CPNE8: variants seen among roughly 807,000 people sequenced by gnomAD.
The protein encoded by CPNE8 is copine-8.
Under a neutral mutation model 81.5 loss-of-function variants are expected in CPNE8, and 45 were observed. That is an observed-to-expected ratio of 0.55 (90% CI 0.44 to 0.71). CPNE8 has a LOEUF of 0.71. CPNE8 is among the 30% of genes least tolerant of loss of function. The probability of loss-of-function intolerance (pLI) is 0.00; values close to 1 mark genes in which losing one functional copy is unlikely to be tolerated. For missense variants in CPNE8, 594 were observed against 672.1 expected, an observed-to-expected ratio of 0.88 and a Z score of 1.28; for synonymous variants, 252 against 226.3, an observed-to-expected ratio of 1.11 and a Z score of -1.02.
At chr12:38,784,003 C>A (rs1942113672) in intron 6 of CPNE8, among the ~76,000 whole-genome samples, 1 of 152,078 alleles carries the variant, frequency 6.6e-6, no homozygotes, top group African/African-American at 2.4e-5. Context: ...GAAAACATGA[C>A]CTTAACAAAT....
chr12:38,815,262 T>C (rs1294796872), intron 6 of CPNE8, among the ~76,000 whole-genome samples: 2 of 152,192 alleles, frequency 1.3e-5, no homozygotes, highest in Non-Finnish European at 2.9e-5. Flanking sequence ...CTCCAAATAT[T>C]ATGAATAACT....
intron 13 of CPNE8, among the ~76,000 whole-genome samples, chr12:38,703,389 A>G (rs962381112): frequency 6.6e-6 from 1 of 152,094 alleles, no homozygotes; most frequent in Non-Finnish European, 1.5e-5. Flanking sequence ...TCCCCCAAAC[A>G]CACGATTTTC....
At position 38,760,435 on chromosome 12, in the gene CPNE8, G is replaced by GTATATATATATATATATATATATA. The variant is rs139244982; in HGVS notation, c.722+411_722+412insTATATATATATATATATATATATA. Among the ~76,000 whole-genome samples, 765 of 127,018 alleles carry GTATATATATATATATATATATATA rather than the reference G, an allele frequency of 6.0e-3. 34 individuals carry two copies. Among genetic ancestry groups the GTATATATATATATATATATATATA allele is most frequent in the African/African-American group, 0.025 (709 of 28,454 alleles). The allele number at this position is 127,018 out of a possible 152,430, so 83.3% of individuals were successfully genotyped here. ...ATTCTCGAGTTTTGTTGTATGGTGT[G>GTATATATATATATATATATATATA]TATATATATATATATATGTGTGTGT... On this transcript the variant is annotated intron_variant, in intron 10 of 19. Transcript: ENST00000331366.
At chr12:38,739,501 A>T (rs1941038942) in intron 10 of CPNE8, among the ~76,000 whole-genome samples, 1 of 152,164 alleles carries the variant, frequency 6.6e-6, no homozygotes, top group Non-Finnish European at 1.5e-5. Context: ...CCTAAAACAC[A>T]TTATAAAAAT....
At chr12:38,817,470 TTGAAA>T (rs1943044031) in intron 6 of CPNE8, among the ~76,000 whole-genome samples, 1 of 152,118 alleles carries the variant, frequency 6.6e-6, no homozygotes, top group South Asian at 2.1e-4. Flanking sequence ...AACCTCATCC[TTGAAA>T]TGACCTAAAT....
At chr12:38,878,234 T>A (rs1944095896) in intron 1 of CPNE8, among the ~76,000 whole-genome samples, 2 of 152,196 alleles carry the variant, frequency 1.3e-5, no homozygotes, top group Non-Finnish European at 2.9e-5. Context: ...CTTAATAAAC[T>A]TGCTTTCACT....
At chr12:38,662,206 A>G (rs1938974244) in intron 19 of CPNE8, among the ~76,000 whole-genome samples, 1 of 152,184 alleles carries the variant, frequency 6.6e-6, no homozygotes, top group South Asian at 2.1e-4. Flanking sequence ...GGAAAGCAAG[A>G]GATTAAGTTA....
At chr12:38,725,029 C>G in intron 11 of CPNE8, 130 bp from the exon 12 acceptor site, 1 of 830,896 alleles carries the variant, frequency 1.2e-6, no homozygotes, top group Non-Finnish European at 1.9e-6. Context: ...CAAATGCTTT[C>G]AGTATGACTT....
intron 6 of CPNE8, among the ~76,000 whole-genome samples, chr12:38,784,418 A>G (rs1234377271): frequency 6.6e-6 from 1 of 152,208 alleles, no homozygotes; most frequent in Admixed American, 6.5e-5. Flanking sequence ...GCCTTTTAAA[A>G]AGGAGGCAAA....
chr12:38,697,113 C>A (rs1939816410), intron 14 of CPNE8, among the ~76,000 whole-genome samples: 2 of 152,164 alleles, frequency 1.3e-5, no homozygotes, highest in Non-Finnish European at 2.9e-5. Context: ...TAGTTATGTG[C>A]AATCATCACT....
intron 6 of CPNE8, among the ~76,000 whole-genome samples, chr12:38,821,733 TA>T (rs2137007841): frequency 6.6e-6 from 1 of 152,334 alleles, no homozygotes; most frequent in African/African-American, 2.4e-5. Context: ...AATATCTGAG[TA>T]GAGCAGAGAA....
chr12:38,684,579 A>G (rs1412134524), intron 16 of CPNE8, among the ~76,000 whole-genome samples: 1 of 152,082 alleles, frequency 6.6e-6, no homozygotes, highest in African/African-American at 2.4e-5. Context: ...CCTGGGTGCA[A>G]GGGATATTTT....
At chr12:38,735,512 TC>T in intron 10 of CPNE8, among the ~76,000 whole-genome samples, 1 of 152,138 alleles carries the variant, frequency 6.6e-6, no homozygotes, top group East Asian at 1.9e-4. Context: ...ATTAGCTCTC[TC>T]TGATTTTGCT....
intron 7 of CPNE8, among the ~76,000 whole-genome samples, chr12:38,775,409 C>T (rs1029353412): frequency 6.6e-6 from 1 of 152,122 alleles, no homozygotes; most frequent in Non-Finnish European, 1.5e-5. Flanking sequence ...AAATGTTAAG[C>T]TTTTGGTATT....
intron 10 of CPNE8, among the ~76,000 whole-genome samples, chr12:38,739,592 G>A (rs1039238425): frequency 6.6e-6 from 1 of 152,080 alleles, no homozygotes; most frequent in African/African-American, 2.4e-5. Context: ...CTACCTTTGG[G>A]TTCTACTGAC....
intron 1 of CPNE8, among the ~76,000 whole-genome samples, chr12:38,875,407 G>T (rs991496110): frequency 2.0e-5 from 3 of 152,004 alleles, no homozygotes; most frequent in African/African-American, 7.2e-5. Context: ...TGACTTGAGG[G>T]TTCTAAAAGT....
At chr12:38,699,041 C>G (rs1179103148) in intron 14 of CPNE8, among the ~76,000 whole-genome samples, 1 of 152,172 alleles carries the variant, frequency 6.6e-6, no homozygotes, top group Non-Finnish European at 1.5e-5. Context: ...ATCTGTAGAT[C>G]ACTCTGGGGA....
intron 6 of CPNE8, among the ~76,000 whole-genome samples, chr12:38,792,963 A>G (rs776332445): frequency 4.6e-5 from 7 of 151,990 alleles, no homozygotes; most frequent in Non-Finnish European, 1.0e-4. Context: ...CACCACATTA[A>G]CAGAATAAAG....
chr12:38,834,019 T>TGA lies in CPNE8; in HGVS notation c.331-4566_331-4565dup, dbSNP rs1311739167. 2.0e-5 allele frequency among the ~76,000 whole-genome samples: 3 copies of TGA among 152,002 alleles called. No individual in the cohort carries two copies. In the East Asian group the frequency reaches 5.8e-4, roughly 29 times the overall value. ...CAGCAGGTTAGAGCAGGGTGAGCAA[T>TGA]GATGAGAATGGCAGGAGAGGAGGTA... On this transcript the variant is annotated intron_variant, in intron 5 of 19. Coordinates refer to ENST00000331366, the MANE Select transcript of CPNE8 (RefSeq NM_153634.3).
Sources: gnomAD v4.1 joint callset for allele counts (sites outside exome capture counted in the v4.1 genomes callset) on GRCh38, gnomAD v4.1.1 for gene constraint, MANE v1.5 for transcripts, NCBI Gene and HGNC (gene_info 2026-07-23, HGNC 2026-07-21) for gene names.